The following NME7 variants were observed in gnomAD, a reference collection of about 807,000 sequenced individuals.
NME7 encodes the protein nucleoside diphosphate kinase 7.
NME7 carries 41 observed loss-of-function variants against 49.1 expected under a neutral mutation model. The observed-to-expected ratio is 0.83, with a 90% CI of 0.65 to 1.08. NME7 has a LOEUF of 1.08. Ranked by LOEUF, NME7 falls within the 50% of genes least tolerant of loss-of-function variation. NME7 has a pLI of 0.00. For missense variants in NME7, 423 were observed against 463.4 expected (o/e 0.91, Z 0.80); for synonymous variants, 139 against 150.6 (o/e 0.92, Z 0.56).
intron 10 of NME7, among the ~76,000 whole-genome samples, chr1:169,205,587 T>G (rs146213749): frequency 1.3e-5 from 2 of 152,228 alleles, no homozygotes; most frequent in Non-Finnish European, 2.9e-5. Flanking sequence ...CAGATTATAT[T>G]TTACAGATGA....
intron 8 of NME7, among the ~76,000 whole-genome samples, chr1:169,236,140 T>C (rs1271550849): frequency 6.6e-6 from 1 of 152,164 alleles, no homozygotes; most frequent in Non-Finnish European, 1.5e-5. Context: ...TTATCCAACA[T>C]TCACATATGT....
At chr1:169,352,371 T>G (rs1408074643) in intron 1 of NME7, among the ~76,000 whole-genome samples, 1 of 152,090 alleles carries the variant, frequency 6.6e-6, no homozygotes, top group Admixed American at 6.6e-5. Flanking sequence ...TTTGATAAAA[T>G]TCAACATCCC....
chr1:169,297,858 T>C (rs1650771444), intron 6 of NME7, among the ~76,000 whole-genome samples: 1 of 152,162 alleles, frequency 6.6e-6, no homozygotes, highest in Admixed American at 6.5e-5. Flanking sequence ...AATATAATAG[T>C]GATTCAGACC....
chr1:169,201,951 G>A (rs143753132), intron 10 of NME7, among the ~76,000 whole-genome samples: 2 of 152,248 alleles, frequency 1.3e-5, no homozygotes, highest in African/African-American at 4.8e-5. Context: ...CAACTTAAAA[G>A]GCAGGTAGGG....
At chr1:169,252,959 C>G (rs1346184373) in intron 7 of NME7, among the ~76,000 whole-genome samples, 2 of 149,514 alleles carry the variant, frequency 1.3e-5, no homozygotes, top group Non-Finnish European at 3.0e-5. Flanking sequence ...GTTTTGGTTA[C>G]TGTAGCCTTG....
chr1:169,242,437 C>A (rs1237157998), intron 7 of NME7, among the ~76,000 whole-genome samples: 3 of 151,986 alleles, frequency 2.0e-5, no homozygotes, highest in Non-Finnish European at 4.4e-5. Flanking sequence ...TCCCCATCTT[C>A]ATAAACAGCA....
intron 7 of NME7, among the ~76,000 whole-genome samples, chr1:169,248,671 GCAT>G (rs1648424076): frequency 6.6e-6 from 1 of 152,098 alleles, no homozygotes; most frequent in Non-Finnish European, 1.5e-5. Flanking sequence ...TAAGGGATAA[GCAT>G]CCAGTTTCAT....
At chr1:169,136,534 A>G (rs914299938) in intron 11 of NME7, among the ~76,000 whole-genome samples, 4 of 152,140 alleles carry the variant, frequency 2.6e-5, no homozygotes, top group Non-Finnish European at 5.9e-5. Flanking sequence ...GGAGTGTCCA[A>G]ACACACTAGG....
In NME7 at chr1:169,210,039, C is replaced by T. The variant is rs917947844; in HGVS notation, c.990+20679G>A. ...ATTTGTTTAATAACAATATTCCTCA[C>T]TAGACTATAAATTCCATGTGGACAG... On this transcript the variant is annotated intron_variant, in intron 10 of 11. Coordinates refer to ENST00000367811, the MANE Select transcript of NME7 (RefSeq NM_013330.5). Among the ~76,000 whole-genome samples the T allele has an allele frequency of 2.6e-5, 4 of 152,156 alleles. 1 individual carries two copies. The East Asian group carries it at 7.7e-4, about 29-fold the overall frequency.
At chr1:169,232,918 T>TC (rs1363893435) in intron 9 of NME7, among the ~76,000 whole-genome samples, 1 of 92,946 alleles carries the variant, frequency 1.1e-5, no homozygotes, top group Non-Finnish European at 2.5e-5. Context: ...TTTTCTTTTT[T>TC]TTTTTTTTTT....
At chr1:169,275,893 G>A (rs536575547) in intron 7 of NME7, among the ~76,000 whole-genome samples, 8 of 133,722 alleles carry the variant, frequency 6.0e-5, no homozygotes, top group East Asian at 4.0e-4. Flanking sequence ...TTTTTAGCAT[G>A]AAGGGTTGTT....
At chr1:169,290,537 G>A (rs1455726592) in intron 6 of NME7, among the ~76,000 whole-genome samples, 1 of 152,042 alleles carries the variant, frequency 6.6e-6, no homozygotes, top group Non-Finnish European at 1.5e-5. Context: ...AGACATAAAT[G>A]TAAGACCTAA....
At position 169,323,894 on chromosome 1, in the gene NME7, G is replaced by A. The variant is rs191696691; in HGVS notation, c.111+499C>T. 1.3e-4 allele frequency among the ~76,000 whole-genome samples: 18 copies of A among 134,334 alleles called. 1 individual carries two copies. The East Asian group carries it at 4.1e-3, about 31-fold the overall frequency. The allele number at this position is 134,334 out of a possible 152,430, so 88.1% of individuals were successfully genotyped here. A position where few individuals can be genotyped will look rare whatever the true frequency, so the allele number is the denominator to read the frequency against. ...GAGTCTCATGCAGTCGCCCAGGCAG[G>A]ACAGGCAGGAGTGCAGTGGCGTGAT... is the stretch of plus-strand genomic sequence containing the variant. On this transcript the variant is annotated intron_variant, in intron 2 of 11. Transcript: ENST00000367811.
chr1:169,244,947 G>A (rs910725147), intron 7 of NME7, among the ~76,000 whole-genome samples: 2 of 152,034 alleles, frequency 1.3e-5, no homozygotes, highest in African/African-American at 2.4e-5. Context: ...TGGCCAACAT[G>A]GAGAAACCCT....
chr1:169,289,298 A>G (rs1459360327), intron 6 of NME7, among the ~76,000 whole-genome samples: 1 of 151,902 alleles, frequency 6.6e-6, no homozygotes, highest in East Asian at 1.9e-4. Flanking sequence ...TATCTAGCTG[A>G]CCTCTATGTG....
intron 7 of NME7, among the ~76,000 whole-genome samples, chr1:169,253,293 G>C (rs1648722532): frequency 2.0e-5 from 3 of 147,942 alleles, no homozygotes; most frequent in Non-Finnish European, 4.5e-5. Flanking sequence ...TTGTAAGTTG[G>C]ATTCCTAGGT....
chr1:169,254,535 T>C (rs1238308518), intron 7 of NME7, among the ~76,000 whole-genome samples: 1 of 151,768 alleles, frequency 6.6e-6, no homozygotes, highest in Non-Finnish European at 1.5e-5. Context: ...CATTAATTTT[T>C]TGAAGGGTTT....
chr1:169,352,524 C>T (rs1257529024), intron 1 of NME7, among the ~76,000 whole-genome samples: 1 of 152,052 alleles, frequency 6.6e-6, no homozygotes, highest in African/African-American at 2.4e-5. Flanking sequence ...TGGAACATGA[C>T]AAGGTTATAC....
rs1189883250 is a variant in NME7, at chr1:169,350,480, G to C, written c.3+17228C>G. ...TGCAAAACGCAGAGGGGATCTTGAA[G>C]AAAGCAGGAGTGATGGGGCAGAGAT... On this transcript the variant is annotated intron_variant, in intron 1 of 11. Coordinates refer to ENST00000367811, the MANE Select transcript of NME7 (RefSeq NM_013330.5). Among the ~76,000 whole-genome samples the C allele has an allele frequency of 2.0e-5, 3 of 152,004 alleles. No individual in the cohort carries two copies. In the East Asian group the frequency reaches 5.9e-4, roughly 30 times the overall value.
Sources: allele counts gnomAD v4.1 joint callset (sites outside exome capture counted in the v4.1 genomes callset), GRCh38; gene constraint gnomAD v4.1.1; transcripts MANE v1.5; gene names NCBI Gene and HGNC (gene_info 2026-07-23, HGNC 2026-07-21).